Variants in CNTNAP5 observed in about 807,000 individuals in gnomAD.
CNTNAP5 encodes contactin-associated protein-like 5.
Under a neutral mutation model 150.2 loss-of-function variants are expected in CNTNAP5, and 72 were observed. That is an observed-to-expected ratio of 0.48 (90% CI 0.40 to 0.58). The LOEUF is 0.58. CNTNAP5 is among the 20% of genes least tolerant of loss of function. The pLI, the probability that CNTNAP5 is intolerant of heterozygous loss-of-function variation, is 0.00. For synonymous variants in CNTNAP5, 672 were observed against 619.8 expected, an observed-to-expected ratio of 1.08 and a Z score of -1.25; for missense variants, 1,636 against 1,626.2, an observed-to-expected ratio of 1.01 and a Z score of -0.10.
intron 13 of CNTNAP5, among the ~76,000 whole-genome samples, chr2:124,730,539 T>C (rs528555997): frequency 6.6e-6 from 1 of 152,168 alleles, no homozygotes; most frequent in East Asian, 1.9e-4. Flanking sequence ...ACATAGCAAC[T>C]AGTATGTTGT....
chr2:124,306,389 A>G (rs1688690792), intron 3 of CNTNAP5, among the ~76,000 whole-genome samples: 1 of 152,210 alleles, frequency 6.6e-6, no homozygotes, highest in South Asian at 2.1e-4. Flanking sequence ...TGTCCCAAAC[A>G]GAAGAAAGCA....
rs1278128796 is a variant in CNTNAP5, at chr2:124,330,473, G to C, written c.382-86970G>C. 2.0e-5 allele frequency among the ~76,000 whole-genome samples: 3 copies of C among 152,122 alleles called. No homozygotes were observed. The South Asian group carries it at 6.2e-4, about 32-fold the overall frequency. On this transcript the variant is annotated intron_variant, in intron 3 of 23. Transcript: ENST00000682447. ...GGTGGGAAGTAATGGAGTCATGGGG[G>C]TGGTTTCCCCATGCTGTTCTTGTGA...
At chr2:124,581,303 G>A (rs1203880656) in intron 11 of CNTNAP5, among the ~76,000 whole-genome samples, 1 of 152,126 alleles carries the variant, frequency 6.6e-6, no homozygotes, top group East Asian at 1.9e-4. Context: ...GAATAAAAGT[G>A]AAACAGGGAA....
intron 1 of CNTNAP5, among the ~76,000 whole-genome samples, chr2:124,176,261 C>T (rs888320899): frequency 2.2e-4 from 34 of 152,320 alleles, no homozygotes; most frequent in African/African-American, 7.0e-4. Context: ...ACCACTATTT[C>T]ACATCTCATT....
intron 3 of CNTNAP5, among the ~76,000 whole-genome samples, chr2:124,364,553 A>G (rs1389956887): frequency 6.6e-6 from 1 of 152,202 alleles, no homozygotes; most frequent in Non-Finnish European, 1.5e-5. Flanking sequence ...CCCAATGTAT[A>G]CACTGAGGTT....
At chr2:124,554,791 C>A (rs1178862202) in intron 10 of CNTNAP5, among the ~76,000 whole-genome samples, 1 of 152,108 alleles carries the variant, frequency 6.6e-6, no homozygotes, top group African/African-American at 2.4e-5. Context: ...AAACTACAAA[C>A]ACAAAAGGAC....
chr2:124,504,181 A>C, intron 7 of CNTNAP5, 111 bp from the exon 8 acceptor site: 1 of 1,077,750 alleles, frequency 9.3e-7, no homozygotes. Flanking sequence ...CTTGCCGCTG[A>C]ATGTGGAATG....
chr2:124,307,778 T>C (rs1688728040), intron 3 of CNTNAP5, among the ~76,000 whole-genome samples: 1 of 152,184 alleles, frequency 6.6e-6, no homozygotes, highest in Admixed American at 6.5e-5. Context: ...AGTGATGATG[T>C]AGCAACCAGA....
chr2:124,461,376 A>G (rs1693246916), intron 6 of CNTNAP5, among the ~76,000 whole-genome samples: 12 of 151,984 alleles, frequency 7.9e-5, no homozygotes, highest in Admixed American at 7.9e-4. Context: ...TGTCCTTTGT[A>G]AGGACATGGA....
intron 1 of CNTNAP5, among the ~76,000 whole-genome samples, chr2:124,190,456 A>G (rs1252920394): frequency 6.6e-6 from 1 of 152,134 alleles, no homozygotes; most frequent in Admixed American, 6.6e-5. Flanking sequence ...ATTTTACCAC[A>G]CTGATCCTGT....
intron 3 of CNTNAP5, among the ~76,000 whole-genome samples, chr2:124,324,698 C>T (rs151281917): frequency 1.3e-5 from 2 of 152,286 alleles, no homozygotes; most frequent in African/African-American, 4.8e-5. Context: ...GAGGAGGAGA[C>T]AGCCTGCATG....
At chr2:124,200,144 C>A (rs1303724077) in intron 1 of CNTNAP5, among the ~76,000 whole-genome samples, 1 of 152,172 alleles carries the variant, frequency 6.6e-6, no homozygotes, top group East Asian at 1.9e-4. Flanking sequence ...TGCTAAAAGT[C>A]TTTGTCAAGA....
At chr2:124,464,726 G>T (rs772228598) in intron 6 of CNTNAP5, among the ~76,000 whole-genome samples, 36 of 152,196 alleles carry the variant, frequency 2.4e-4, no homozygotes, top group Admixed American at 1.4e-3. Flanking sequence ...GATTTAACCA[G>T]AAAATTGGAA....
At chr2:124,294,334 A>G (rs58719610) in intron 3 of CNTNAP5, among the ~76,000 whole-genome samples, 1 of 152,204 alleles carries the variant, frequency 6.6e-6, no homozygotes, top group East Asian at 1.9e-4. Context: ...AATGAGAAGT[A>G]TTATAAAATA....
At chr2:124,907,857 T>C (rs1461289708) in intron 22 of CNTNAP5, among the ~76,000 whole-genome samples, 1 of 150,634 alleles carries the variant, frequency 6.6e-6, no homozygotes, top group Non-Finnish European at 1.5e-5. Flanking sequence ...GTCATCATAC[T>C]AGATCTGAAG....
chr2:124,061,318 C>T (rs1682004680), intron 1 of CNTNAP5, among the ~76,000 whole-genome samples: 1 of 152,082 alleles, frequency 6.6e-6, no homozygotes, highest in Non-Finnish European at 1.5e-5. Context: ...ATAAATCATT[C>T]AAAATTTGTT....
intron 3 of CNTNAP5, among the ~76,000 whole-genome samples, chr2:124,294,016 G>A (rs1002206452): frequency 6.6e-6 from 1 of 152,152 alleles, no homozygotes; most frequent in African/African-American, 2.4e-5. Flanking sequence ...AGAGACCACT[G>A]TGAAGTTGAT....
intron 19 of CNTNAP5, among the ~76,000 whole-genome samples, chr2:124,834,504 C>T (rs1045764055): frequency 1.3e-5 from 2 of 152,020 alleles, no homozygotes; most frequent in African/African-American, 4.8e-5. Flanking sequence ...TTTAAATATC[C>T]AGGCTGTAAT....
intron 17 of CNTNAP5, among the ~76,000 whole-genome samples, chr2:124,777,775 A>ATGTGTGTGTGTGTGTGTG (rs35863925): frequency 7.7e-6 from 1 of 130,600 alleles, no homozygotes; most frequent in African/African-American, 2.8e-5. Flanking sequence ...GAATGGAGGG[A>ATGTGTGTGTGTGTGTGTG]TGTGTGTGTG....
Sources: allele counts gnomAD v4.1 joint callset (sites outside exome capture counted in the v4.1 genomes callset), GRCh38; gene constraint gnomAD v4.1.1; transcripts MANE v1.5; gene names NCBI Gene and HGNC (gene_info 2026-07-23, HGNC 2026-07-21).